Variants in ERC2 observed in about 807,000 individuals in gnomAD.
ERC2 encodes the protein ELKS/RAB6-interacting/CAST family member 2.
In ERC2, 42 loss-of-function variants were observed where a neutral mutation model predicts 114.8. The observed-to-expected ratio is 0.37, with a 90% CI of 0.29 to 0.47. ERC2 has a LOEUF of 0.47. Ranked by LOEUF, ERC2 falls within the 20% of genes least tolerant of loss-of-function variation. The pLI is 0.99. For missense variants in ERC2, 939 were observed against 1,150.7 expected, an observed-to-expected ratio of 0.82 and a Z score of 2.66; for synonymous variants, 454 against 425.5, an observed-to-expected ratio of 1.07 and a Z score of -0.82.
intron 17 of ERC2, among the ~76,000 whole-genome samples, chr3:55,587,074 T>C (rs1233157027): frequency 6.6e-6 from 1 of 152,266 alleles, no homozygotes; most frequent in Non-Finnish European, 1.5e-5. Context: ...TTTGCAAGTT[T>C]TAAAATTTTA....
chr3:55,613,818 T>C (rs917966445), intron 17 of ERC2, among the ~76,000 whole-genome samples: 35 of 151,138 alleles, frequency 2.3e-4, no homozygotes, highest in Admixed American at 2.2e-3. Context: ...CCATCTCTAC[T>C]AAAAAATACA....
chr3:55,625,374 GA>G (rs60450668), intron 17 of ERC2, among the ~76,000 whole-genome samples: 91,099 of 120,296 alleles, frequency 0.76, 32,107 homozygotes, highest in Middle Eastern at 0.91. Flanking sequence ...CTCAAAAAAA[GA>G]AAAAAAAAAA....
intron 3 of ERC2, among the ~76,000 whole-genome samples, chr3:56,187,641 C>G (rs1234834893): frequency 6.6e-6 from 1 of 152,154 alleles, no homozygotes; most frequent in South Asian, 2.1e-4. Flanking sequence ...CTGCTACCAC[C>G]ATGAGGCTTA....
chr3:55,759,821 TA>T (rs2067310042), intron 14 of ERC2, among the ~76,000 whole-genome samples: 1 of 152,246 alleles, frequency 6.6e-6, no homozygotes, highest in Non-Finnish European at 1.5e-5. Context: ...GCAGGGCACT[TA>T]AACTTACATG....
At chr3:55,831,655 C>T (rs1393327272) in intron 14 of ERC2, among the ~76,000 whole-genome samples, 8 of 152,136 alleles carry the variant, frequency 5.3e-5, no homozygotes, top group Middle Eastern at 3.2e-3. Context: ...GGAACAACTC[C>T]GGTCTACAGC....
intron 7 of ERC2, among the ~76,000 whole-genome samples, chr3:56,054,525 ACGTCCTATCAT>A (rs1299376877): frequency 6.6e-6 from 1 of 152,212 alleles, no homozygotes; most frequent in Non-Finnish European, 1.5e-5. Context: ...AATGTCTATT[ACGTCCTATCAT>A]CTCTGTTGGG....
At chr3:56,352,362 G>C (rs1280851465) in intron 2 of ERC2, among the ~76,000 whole-genome samples, 1 of 152,166 alleles carries the variant, frequency 6.6e-6, no homozygotes, top group Admixed American at 6.5e-5. Context: ...TTGTACAGGG[G>C]TTACAAAGAA....
At chr3:56,290,901 A>T (rs1024308946) in intron 3 of ERC2, among the ~76,000 whole-genome samples, 3 of 152,128 alleles carry the variant, frequency 2.0e-5, no homozygotes, top group African/African-American at 7.2e-5. Context: ...GTTATTAGCA[A>T]CTGTGGCCTG....
intron 17 of ERC2, among the ~76,000 whole-genome samples, chr3:55,542,229 C>G (rs775305900): frequency 2.0e-5 from 3 of 152,180 alleles, no homozygotes; most frequent in Non-Finnish European, 4.4e-5. Flanking sequence ...GGTCACCACT[C>G]CCTTGTGCCA....
intron 17 of ERC2, among the ~76,000 whole-genome samples, chr3:55,592,672 T>TCTTGGATC (rs1471739760): frequency 9.2e-5 from 14 of 152,192 alleles, no homozygotes; most frequent in Non-Finnish European, 1.5e-5. Context: ...GACTAAATCA[T>TCTTGGATC]CTTGGATCCT....
At chr3:55,620,912 G>A (rs945604979) in intron 17 of ERC2, among the ~76,000 whole-genome samples, 1 of 152,142 alleles carries the variant, frequency 6.6e-6, no homozygotes. Flanking sequence ...CATAACTGTT[G>A]TCATTTAGGC....
rs1323379171 is a variant in ERC2 at position 56,272,155 on chromosome 3, G to A, written c.1074+23864C>T. On this transcript the variant is annotated intron_variant, in intron 3 of 17. Transcript: ENST00000288221. Reference sequence around the variant, plus strand: ...CTGCTACATTCACCACTATAAAAATGACATCACCACCAAAATAAAAATCCA... The same window carrying A: ...CTGCTACATTCACCACTATAAAAATAACATCACCACCAAAATAAAAATCCA... Among the ~76,000 whole-genome samples the A allele has an allele frequency of 3.3e-5, 5 of 152,264 alleles. No homozygotes were observed. In the East Asian group the frequency reaches 9.6e-4, roughly 29 times the overall value.
At chr3:56,450,930 G>A (rs778514196) in intron 1 of ERC2, among the ~76,000 whole-genome samples, 13 of 152,058 alleles carry the variant, frequency 8.5e-5, no homozygotes, top group Admixed American at 6.5e-4. Flanking sequence ...AATAAGTGAC[G>A]TTTAATAAAA....
At chr3:56,114,863 C>T (rs1230361956) in intron 6 of ERC2, among the ~76,000 whole-genome samples, 2 of 152,142 alleles carry the variant, frequency 1.3e-5, no homozygotes, top group Non-Finnish European at 2.9e-5. Context: ...ATGGTAGCCC[C>T]TCCCTGAAAC....
intron 12 of ERC2, among the ~76,000 whole-genome samples, chr3:55,960,370 C>T (rs1214486789): frequency 6.6e-6 from 1 of 152,132 alleles, no homozygotes; most frequent in Non-Finnish European, 1.5e-5. Flanking sequence ...GGTATAGGCA[C>T]AGGCTATTTT....
At chr3:56,287,916 C>T (rs1195560210) in intron 3 of ERC2, among the ~76,000 whole-genome samples, 1 of 152,206 alleles carries the variant, frequency 6.6e-6, no homozygotes, top group South Asian at 2.1e-4. Context: ...GTGACTGGCA[C>T]AGGCTGCCCT....
At chr3:56,264,669 C>T (rs1418646495) in intron 3 of ERC2, among the ~76,000 whole-genome samples, 1 of 151,116 alleles carries the variant, frequency 6.6e-6, no homozygotes, top group Admixed American at 6.6e-5. Flanking sequence ...TAAAATTATC[C>T]CTATTTGTAA....
At chr3:55,925,128 G>T (rs183034852) in intron 13 of ERC2, among the ~76,000 whole-genome samples, 1 of 152,162 alleles carries the variant, frequency 6.6e-6, no homozygotes, top group East Asian at 1.9e-4. Context: ...TTTGTATAGA[G>T]AATGGATCTA....
chr3:55,589,015 G>C (rs2057734901), intron 17 of ERC2, among the ~76,000 whole-genome samples: 1 of 152,070 alleles, frequency 6.6e-6, no homozygotes, highest in East Asian at 1.9e-4. Flanking sequence ...AGCCGGACCT[G>C]AGTTTGAATT....
Sources: gnomAD v4.1 joint callset for allele counts (sites outside exome capture counted in the v4.1 genomes callset) on GRCh38, gnomAD v4.1.1 for gene constraint, MANE v1.5 for transcripts, NCBI Gene and HGNC (gene_info 2026-07-23, HGNC 2026-07-21) for gene names.